TYW1: variants seen among roughly 807,000 people sequenced by gnomAD.
The protein encoded by TYW1 is tRNA-yW synthesizing protein 1 homolog.
TYW1 carries 46 observed loss-of-function variants against 96.2 expected under a neutral mutation model. The ratio of observed to expected loss-of-function variants is 0.48; its 90% CI spans 0.38 to 0.61. The LOEUF is 0.61. Among genes scored for constraint, TYW1 ranks in the 20% least tolerant of loss-of-function variants. TYW1 has a pLI of 0.00. For missense variants in TYW1, 684 were observed against 909.6 expected (o/e 0.75, Z 3.19); for synonymous variants, 274 against 323.0 (o/e 0.85, Z 1.63).
At chr7:67,213,839 A>G (rs539099089) in intron 15 of TYW1, among the ~76,000 whole-genome samples, 18 of 152,206 alleles carry the variant, frequency 1.2e-4, no homozygotes, top group Admixed American at 1.0e-3. Context: ...GTGTGAATCT[A>G]TTTCTGGCCT....
intron 13 of TYW1, among the ~76,000 whole-genome samples, chr7:67,140,179 C>T (rs28363825): frequency 0.24 from 34,938 of 148,468 alleles, 2,863 homozygotes; most frequent in African/African-American, 0.34. Flanking sequence ...AACACTTGCC[C>T]CATGATTCAG....
chr7:67,046,054 G>A (rs1795176595), intron 7 of TYW1, among the ~76,000 whole-genome samples: 1 of 152,178 alleles, frequency 6.6e-6, no homozygotes, highest in African/African-American at 2.4e-5. Context: ...CTGAGTTAGA[G>A]GCTGGGGCAG....
At chr7:67,229,988 T>A (rs1322845988) in intron 15 of TYW1, among the ~76,000 whole-genome samples, 2 of 152,072 alleles carry the variant, frequency 1.3e-5, no homozygotes, top group African/African-American at 4.8e-5. Context: ...TCTTTGCAGT[T>A]TCCTTGAGAA....
chr7:67,047,827 G>C (rs530040623), intron 7 of TYW1, among the ~76,000 whole-genome samples: 1 of 123,986 alleles, frequency 8.1e-6, no homozygotes, highest in African/African-American at 3.1e-5. Context: ...AGTCTCTGTC[G>C]CCCAGGCTGG....
intron 7 of TYW1, among the ~76,000 whole-genome samples, chr7:67,033,598 A>G (rs1794736641): frequency 6.6e-6 from 1 of 152,084 alleles, no homozygotes; most frequent in South Asian, 2.1e-4. Context: ...AGTGGAGAGA[A>G]CTTAAAGTAC....
At position 67,180,423 on chromosome 7, in the gene TYW1, T is replaced by A. The variant is rs1316513397; in HGVS notation, c.1699-2703T>A. 1.0e-4 allele frequency among the ~76,000 whole-genome samples: 8 copies of A among 76,628 alleles called. 3 individuals are homozygous for A. The highest frequency in any genetic ancestry group is 5.2e-4 in the African/African-American group (8 of 15,458). 50.3% of individuals were successfully genotyped at this position (76,628 alleles called of 152,430 possible). ...ATATATATTTATATATATATATATA[T>A]AATTTTTTTTTTGGTAACTGGCCTA... On this transcript the variant is annotated intron_variant, in intron 13 of 15. Transcript: ENST00000359626.
At chr7:67,057,481 G>T (rs1252111642) in intron 9 of TYW1, among the ~76,000 whole-genome samples, 2 of 151,924 alleles carry the variant, frequency 1.3e-5, no homozygotes, top group Non-Finnish European at 2.9e-5. Context: ...TCATGTCTCA[G>T]TCTCCTGAGT....
intron 4 of TYW1, among the ~76,000 whole-genome samples, chr7:67,011,047 CT>C (rs1209055871): frequency 2.0e-5 from 3 of 150,694 alleles, no homozygotes; most frequent in Admixed American, 1.3e-4. Flanking sequence ...TAGTTAATGT[CT>C]TTTTTTTTAA....
At chr7:67,090,943 G>A (rs1190527089) in intron 11 of TYW1, among the ~76,000 whole-genome samples, 1 of 152,154 alleles carries the variant, frequency 6.6e-6, no homozygotes, top group Non-Finnish European at 1.5e-5. Flanking sequence ...TGGAGAAATA[G>A]GAACACTTTT....
intron 13 of TYW1, among the ~76,000 whole-genome samples, chr7:67,122,841 A>G (rs1797800086): frequency 6.6e-6 from 1 of 152,182 alleles, no homozygotes; most frequent in South Asian, 2.1e-4. Flanking sequence ...TAGCACACTG[A>G]GGACAAAGTC....
intron 10 of TYW1, among the ~76,000 whole-genome samples, chr7:67,074,999 A>G (rs1472845760): frequency 6.6e-6 from 1 of 152,084 alleles, no homozygotes; most frequent in Non-Finnish European, 1.5e-5. Flanking sequence ...TGATTTTTGT[A>G]TTTTTAATAA....
At chr7:67,104,171 T>C (rs1797170726) in intron 12 of TYW1, among the ~76,000 whole-genome samples, 1 of 152,192 alleles carries the variant, frequency 6.6e-6, no homozygotes. Context: ...GGTTTCAGTC[T>C]TCCCTCCAGC....
At chr7:67,087,615 G>A (rs1796588509) in intron 11 of TYW1, among the ~76,000 whole-genome samples, 1 of 151,894 alleles carries the variant, frequency 6.6e-6, no homozygotes, top group Admixed American at 6.6e-5. Context: ...TATCTGAATG[G>A]ATTGACTTGA....
At chr7:67,047,783 ATTTTTTTTTTT>A (rs36007120) in intron 7 of TYW1, among the ~76,000 whole-genome samples, 8 of 79,890 alleles carry the variant, frequency 1.0e-4, no homozygotes, top group African/African-American at 1.9e-4. Context: ...GTGAGTGTCA[ATTTTTTTTTTT>A]TTTTTTTTTT....
At chr7:67,024,146 A>G (rs566237806) in intron 6 of TYW1, among the ~76,000 whole-genome samples, 1 of 152,146 alleles carries the variant, frequency 6.6e-6, no homozygotes, top group Admixed American at 6.6e-5. Flanking sequence ...ATGCCCTTTC[A>G]CAGTTGTTAG....
At chr7:67,097,062 T>C (rs922439686) in intron 11 of TYW1, among the ~76,000 whole-genome samples, 3 of 151,932 alleles carry the variant, frequency 2.0e-5, no homozygotes, top group Non-Finnish European at 4.4e-5. Context: ...GTAATCCCAG[T>C]GTCCAGCTAG....
chr7:67,008,151 C>T (rs1248939224), intron 3 of TYW1, among the ~76,000 whole-genome samples: 6 of 152,028 alleles, frequency 3.9e-5, no homozygotes, highest in East Asian at 3.9e-4. Context: ...AACTCAGGAA[C>T]GGCCGAATGG....
chr7:67,160,930 T>A (rs1445869243), intron 13 of TYW1, among the ~76,000 whole-genome samples: 2 of 152,140 alleles, frequency 1.3e-5, no homozygotes, highest in Non-Finnish European at 2.9e-5. Flanking sequence ...GACACAGGGA[T>A]ATTTCACCCT....
chr7:67,011,876 A>AG (rs1474630781), intron 4 of TYW1, among the ~76,000 whole-genome samples: 2 of 150,528 alleles, frequency 1.3e-5, no homozygotes, highest in East Asian at 3.9e-4. Flanking sequence ...TCCGTCTCAA[A>AG]AAAAAAAAAA....
Sources: allele counts gnomAD v4.1 joint callset (sites outside exome capture counted in the v4.1 genomes callset), GRCh38; gene constraint gnomAD v4.1.1; transcripts MANE v1.5; gene names NCBI Gene and HGNC (gene_info 2026-07-23, HGNC 2026-07-21).